Variants in TLN2 observed in about 807,000 individuals in gnomAD.
TLN2 encodes talin 2.
TLN2 carries 118 observed loss-of-function variants against 294.7 expected under a neutral mutation model. That is an observed-to-expected ratio of 0.40 (90% CI 0.34 to 0.47). TLN2 has a LOEUF of 0.47. Ranked by LOEUF, TLN2 falls within the 20% of genes least tolerant of loss-of-function variation. The pLI, the probability that TLN2 is intolerant of heterozygous loss-of-function variation, is 0.84. For missense variants in TLN2, 3,083 were observed against 3,282.2 expected, an observed-to-expected ratio of 0.94 and a Z score of 1.48; for synonymous variants, 1,431 against 1,304.5, an observed-to-expected ratio of 1.10 and a Z score of -2.09.
chr15:62,663,350 A>AAAAAAAGAAAG (rs1567294024), intron 9 of TLN2, among the ~76,000 whole-genome samples: 2 of 152,124 alleles, frequency 1.3e-5, no homozygotes, highest in African/African-American at 4.8e-5. Context: ...ATGATAATTA[A>AAAAAAAGAAAG]TAGTTTAATA....
intron 55 of TLN2, 31 bp downstream of exon 55, chr15:62,833,660 A>G (rs2069117921): frequency 3.1e-6 from 5 of 1,607,748 alleles, no homozygotes; most frequent in Non-Finnish European, 4.2e-6. Context: ...CATGCGGGAC[A>G]CTCAACGTAC....
At chr15:62,686,830 C>T (rs369483377) in intron 12 of TLN2, 34 bp downstream of exon 12, 23 of 1,609,104 alleles carry the variant, frequency 1.4e-5, no homozygotes, top group East Asian at 2.2e-5. Context: ...AGAGCACTAG[C>T]GTGGCCTTGA....
At chr15:62,480,296 C>G (rs1338530650) in intron 1 of TLN2, among the ~76,000 whole-genome samples, 1 of 152,182 alleles carries the variant, frequency 6.6e-6, no homozygotes, top group African/African-American at 2.4e-5. Flanking sequence ...TCACTGCGAC[C>G]TCTGCCTCCT....
intron 3 of TLN2, among the ~76,000 whole-genome samples, chr15:62,620,988 G>A (rs1056456340): frequency 6.6e-6 from 1 of 151,542 alleles, no homozygotes; most frequent in Non-Finnish European, 1.5e-5. Context: ...GCAGGCGCCC[G>A]CCACCACGCC....
chr15:62,692,195 C>G (rs1034659489), intron 12 of TLN2, among the ~76,000 whole-genome samples: 2 of 152,212 alleles, frequency 1.3e-5, no homozygotes, highest in African/African-American at 4.8e-5. Context: ...GAAGGCACTT[C>G]CCTGGGCTAC....
In TLN2 at chr15:62,840,418, T is replaced by G. The variant is rs914041685; in HGVS notation, c.7501-64T>G. On this transcript the variant is annotated intron_variant, in intron 58 of 58. Transcript: ENST00000636159. ...GGAGCCGTGGAGCTCACATGAGCAG[T>G]GGGGTGGGTCGGAGGGTTTTCTACA... 9.4e-6 allele frequency: 15 copies of G among 1,592,176 alleles called. No homozygotes were observed. The African/African-American group carries it at 1.9e-4, about 20-fold the overall frequency.
At chr15:62,706,750 C>T (rs937368304) in intron 19 of TLN2, among the ~76,000 whole-genome samples, 1 of 152,168 alleles carries the variant, frequency 6.6e-6, no homozygotes, top group Non-Finnish European at 1.5e-5. Flanking sequence ...TCCTGATCTA[C>T]CATATCAGCC....
Position 62,776,892 on chromosome 15 carries a change from T to G in TLN2, c.5496T>G (p.Ile1832Met), listed in dbSNP as rs752176823. 3 of 1,581,372 alleles carry G rather than the reference T, an allele frequency of 1.9e-6. No individual in the cohort carries two copies. The highest frequency in any genetic ancestry group is 2.6e-6 in the Non-Finnish European group (3 of 1,162,974). The stretch of plus-strand genomic sequence containing the variant: ...TGGTTGGGGGCATGGTGGACGCCAT[T>G]GCAGAAGCCATGAGCAAGGTGGGCA... The part of the protein sequence containing the change: ...VGLVGGMVDA[I>M]AEAMSKLDEG... The change falls in exon 43 of 59, where the codon ATT (isoleucine) becomes ATG (methionine). Residue 1832 changes from isoleucine (I) to methionine (M), a missense_variant. Coordinates refer to ENST00000636159, the MANE Select transcript of TLN2 (RefSeq NM_015059.3).
intron 11 of TLN2, among the ~76,000 whole-genome samples, chr15:62,677,340 T>G (rs534347197): frequency 7.0e-4 from 106 of 152,372 alleles, no homozygotes; most frequent in Middle Eastern, 3.4e-3. Context: ...ATTCAGATCA[T>G]CTTCCATTAA....
At chr15:62,471,057 C>T (rs1223491129) in intron 1 of TLN2, among the ~76,000 whole-genome samples, 2 of 152,174 alleles carry the variant, frequency 1.3e-5, no homozygotes, top group South Asian at 2.1e-4. Context: ...TAAAAACAAA[C>T]ACAAGGCTGG....
chr15:62,775,185 T>C (rs543666306), intron 42 of TLN2, among the ~76,000 whole-genome samples: 2 of 152,200 alleles, frequency 1.3e-5, no homozygotes, highest in South Asian at 4.2e-4. Context: ...CTCGATCTCC[T>C]GACCTCGTAA....
intron 32 of TLN2, among the ~76,000 whole-genome samples, chr15:62,747,428 A>T (rs1019495644): frequency 6.6e-6 from 1 of 152,226 alleles, no homozygotes; most frequent in Admixed American, 6.5e-5. Context: ...AGTCAATCAT[A>T]TAGAATTTAA....
intron 25 of TLN2, among the ~76,000 whole-genome samples, chr15:62,721,760 T>C (rs547825537): frequency 2.6e-5 from 4 of 152,168 alleles, no homozygotes; most frequent in Non-Finnish European, 5.9e-5. Context: ...TGCCCAACAA[T>C]AGAGAATTGA....
At chr15:62,787,338 T>G (rs2064747268) in intron 45 of TLN2, among the ~76,000 whole-genome samples, 1 of 152,326 alleles carries the variant, frequency 6.6e-6, no homozygotes, top group African/African-American at 2.4e-5. Context: ...CCAGTGTGTT[T>G]TGTTGTGTTT....
intron 48 of TLN2, among the ~76,000 whole-genome samples, chr15:62,798,076 A>G (rs1439987572): frequency 6.6e-6 from 1 of 152,130 alleles, no homozygotes; most frequent in Non-Finnish European, 1.5e-5. Context: ...GAAAGAGGGA[A>G]GACTGGGAAC....
At position 62,675,258 on chromosome 15, in the gene TLN2, G is replaced by A. The variant is rs780753130; in HGVS notation, c.894G>A (p.Lys298=). The A allele has an allele frequency of 8.1e-6, 13 of 1,614,234 alleles. No homozygotes were observed. In the South Asian group the frequency reaches 1.2e-4, roughly 15 times the overall value. ...NCGEMSEIEA[K]VKYVKLARSL... is the part of the protein sequence containing the mutation. ...GAGAGATGAGTGAGATAGAAGCCAA[G>A]GTCAAGTACGTCAAACTCGCACGGT... Residue 298 remains lysine (K), a synonymous_variant, in exon 11 of 59, where the codon AAG becomes AAA. Transcript: ENST00000636159.
chr15:62,666,134 C>G (rs1485327870), intron 9 of TLN2, among the ~76,000 whole-genome samples: 1 of 152,120 alleles, frequency 6.6e-6, no homozygotes, highest in Non-Finnish European at 1.5e-5. Flanking sequence ...GTGGCGTGTC[C>G]TTATATTAAA....
intron 1 of TLN2, among the ~76,000 whole-genome samples, chr15:62,431,513 T>A (rs1487020477): frequency 1.3e-5 from 2 of 152,210 alleles, no homozygotes; most frequent in Non-Finnish European, 1.5e-5. Flanking sequence ...TAACGGTAAA[T>A]GTGACCATAC....
intron 1 of TLN2, among the ~76,000 whole-genome samples, chr15:62,443,518 A>G (rs1354287774): frequency 6.6e-6 from 1 of 152,156 alleles, no homozygotes; most frequent in East Asian, 1.9e-4. Context: ...CTCTTCATCA[A>G]TTTGTATTCC....
Sources: gnomAD v4.1 joint callset for allele counts (sites outside exome capture counted in the v4.1 genomes callset) on GRCh38, gnomAD v4.1.1 for gene constraint, MANE v1.5 for transcripts, NCBI Gene and HGNC (gene_info 2026-07-23, HGNC 2026-07-21) for gene names.